TNFRSF8: variants seen among roughly 807,000 people sequenced by gnomAD.
The protein encoded by TNFRSF8 is tumor necrosis factor receptor superfamily member 8.
In TNFRSF8, 26 loss-of-function variants were observed where a neutral mutation model predicts 70.8. The ratio of observed to expected loss-of-function variants is 0.37; its 90% CI spans 0.27 to 0.51. TNFRSF8 has a LOEUF of 0.51. Ranked by LOEUF, TNFRSF8 falls within the 20% of genes least tolerant of loss-of-function variation. The probability of loss-of-function intolerance (pLI) is 0.94; values close to 1 mark genes in which losing one functional copy is unlikely to be tolerated. For synonymous variants in TNFRSF8, 356 were observed against 339.2 expected, an observed-to-expected ratio of 1.05 and a Z score of -0.54; for missense variants, 720 against 807.9, an observed-to-expected ratio of 0.89 and a Z score of 1.32.
intron 1 of TNFRSF8, among the ~76,000 whole-genome samples, chr1:12,068,137 G>T (rs1463216852): frequency 6.6e-6 from 1 of 152,144 alleles, no homozygotes; most frequent in African/African-American, 2.4e-5. Context: ...TCATTCTAAG[G>T]TTTTTATACT....
Position 12,063,754 on chromosome 1 carries a change from C to A in TNFRSF8, c.63+93C>A. 1.7e-6 allele frequency: 2 copies of A among 1,156,768 alleles called. No homozygotes were observed. Among genetic ancestry groups the A allele is most frequent in the Non-Finnish European group, 2.2e-6 (2 of 910,830 alleles). The allele number at this position is 1,156,768 out of a possible 1,614,324, so 71.7% of individuals were successfully genotyped here. A position where few individuals can be genotyped will look rare whatever the true frequency, so the allele number is the denominator to read the frequency against. ...GACGCAAGGGAGGACACTCCTCACC[C>A]CGTTCCCTGCCCAGCTGGAGTGAGG... is the stretch of plus-strand genomic sequence containing the variant. On this transcript the variant is annotated intron_variant, in intron 1 of 14. Coordinates refer to ENST00000263932, the MANE Select transcript of TNFRSF8 (RefSeq NM_001243.5). This position sits in a 1 kb window ranked among gnomAD's most constrained non-coding sequence, Gnocchi z 7.2.
intron 2 of TNFRSF8, among the ~76,000 whole-genome samples, chr1:12,091,069 CAGAG>C (rs1641240922): frequency 2.0e-5 from 3 of 152,150 alleles, no homozygotes; most frequent in African/African-American, 7.2e-5. Flanking sequence ...ATCTGTAAGT[CAGAG>C]AGAAAGAGCT....
rs1232841951 is a variant in TNFRSF8, at chr1:12,109,447, G to T, written c.422-119G>T. On this transcript the variant is annotated intron_variant, in intron 4 of 14. Coordinates refer to ENST00000263932, the MANE Select transcript of TNFRSF8 (RefSeq NM_001243.5). The surrounding 1 kb of genome is among the most constrained non-coding windows in gnomAD (Gnocchi z 4.4). ...TGCCAGGCGGGTGCCACCTCCAGAT[G>T]ACTGCTGTGTTTTCCAAGGGCCCCA... 5.4e-5 allele frequency: 40 copies of T among 743,940 alleles called. No individual in the cohort carries two copies. Among genetic ancestry groups the T allele is most frequent in the Non-Finnish European group, 8.1e-5 (37 of 454,732 alleles). The allele number at this position is 743,940 out of a possible 1,614,324, so 46.1% of individuals were successfully genotyped here. A position where few individuals can be genotyped will look rare whatever the true frequency, so the allele number is the denominator to read the frequency against.
At chr1:12,084,321 G>T in intron 1 of TNFRSF8, 143 bp from the exon 2 acceptor site, 1 of 744,020 alleles carries the variant, frequency 1.3e-6, no homozygotes, top group East Asian at 2.6e-5. Flanking sequence ...AGGGCGGTGT[G>T]GGTTTGTGGA....
At chr1:12,073,504 C>G (rs1428528851) in intron 1 of TNFRSF8, among the ~76,000 whole-genome samples, 1 of 150,858 alleles carries the variant, frequency 6.6e-6, no homozygotes, top group African/African-American at 2.4e-5. Flanking sequence ...TCCCTCCCTC[C>G]CTCCTTCTCT....
rs1473669807 is a variant in TNFRSF8, at chr1:12,110,931, A to AT, written c.676+728dup. Among the ~76,000 whole-genome samples the AT allele has an allele frequency of 6.6e-6, 1 of 152,120 alleles. No homozygotes were observed. The highest frequency in any genetic ancestry group is 1.5e-5 in the Non-Finnish European group (1 of 68,008). ...CCATTTTATTACTGAATAGCCCTCCATGGCGTAGATATGCCGAGCTCTGTT... is the reference window on the plus strand; with the variant it reads ...CCATTTTATTACTGAATAGCCCTCCATTGGCGTAGATATGCCGAGCTCTGTT... On this transcript the variant is annotated intron_variant, in intron 6 of 14. Transcript: ENST00000263932. This position sits in a 1 kb window ranked among gnomAD's most constrained non-coding sequence, Gnocchi z 4.0.
chr1:12,123,243 C>T (rs747883646), intron 8 of TNFRSF8, 41 bp from the exon 9 acceptor site: 51 of 1,555,306 alleles, frequency 3.3e-5, no homozygotes, highest in Non-Finnish European at 4.3e-5. Context: ...AGACACCAGC[C>T]TCCTTGGCGC....
Position 12,111,908 on chromosome 1 carries a change from A to C in TNFRSF8, c.687A>C (p.Pro229=). Residue 229 remains proline (P), a synonymous_variant, in exon 7 of 15, where the codon CCA becomes CCC. Coordinates refer to ENST00000263932, the MANE Select transcript of TNFRSF8 (RefSeq NM_001243.5). ...GRPSSDPGLS[P]TQPCPEGSGD... The stretch of plus-strand genomic sequence containing the variant: ...TGCTTCTTTCCCCAGGTCTGTCCCC[A>C]ACACAGCCATGCCCAGAGGGGTCTG... 6.2e-7 allele frequency: 1 copy of C among 1,614,164 alleles called. No homozygotes were observed. The highest frequency in any genetic ancestry group is 8.5e-7 in the Non-Finnish European group (1 of 1,180,008).
rs1641797862 is a variant in TNFRSF8, at chr1:12,119,897, C to T, written c.947-3387C>T. ...TTGAGGACTAGTCAAAGCTGGATAC[C>T]TCTGGTCTGATACAACCCCTTCGTT... On this transcript the variant is annotated intron_variant, in intron 8 of 14. Coordinates refer to ENST00000263932, the MANE Select transcript of TNFRSF8 (RefSeq NM_001243.5). The surrounding 1 kb of genome is among the most constrained non-coding windows in gnomAD (Gnocchi z 4.4). Among the ~76,000 whole-genome samples, 1 of 152,146 alleles carries T rather than the reference C, an allele frequency of 6.6e-6. No individual in the cohort carries two copies. Among genetic ancestry groups the T allele is most frequent in the Non-Finnish European group, 1.5e-5 (1 of 68,040 alleles).
intron 1 of TNFRSF8, chr1:12,080,313 C>A (rs949400199): frequency 3.8e-6 from 2 of 524,094 alleles, no homozygotes; most frequent in Non-Finnish European, 7.6e-6. Context: ...GGAACATATG[C>A]CTTCTTCTCT....
intron 12 of TNFRSF8, 72 bp from the exon 13 acceptor site, chr1:12,135,516 C>T: frequency 2.1e-6 from 3 of 1,413,760 alleles, no homozygotes; most frequent in Non-Finnish European, 2.8e-6. Context: ...GGACCATTTG[C>T]CAATAGTTGG....
Position 12,063,756 on chromosome 1 carries a change from G to T in TNFRSF8, c.63+95G>T, listed in dbSNP as rs186275677. The T allele has an allele frequency of 2.3e-4, 261 of 1,154,836 alleles. 3 individuals carry two copies. In the East Asian group the frequency reaches 6.7e-3, roughly 30 times the overall value. The allele number at this position is 1,154,836 out of a possible 1,614,324, so 71.5% of individuals were successfully genotyped here. On this transcript the variant is annotated intron_variant, in intron 1 of 14. Transcript: ENST00000263932. This position sits in a 1 kb window ranked among gnomAD's most constrained non-coding sequence, Gnocchi z 7.2. ...CGCAAGGGAGGACACTCCTCACCCC[G>T]TTCCCTGCCCAGCTGGAGTGAGGGG... is the stretch of plus-strand genomic sequence containing the variant.
intron 13 of TNFRSF8, 60 bp downstream of exon 13, chr1:12,135,673 T>A: frequency 6.2e-7 from 1 of 1,602,318 alleles, no homozygotes; most frequent in Non-Finnish European, 8.5e-7. Flanking sequence ...ACTCCTTCCC[T>A]AACAGATCTG....
intron 2 of TNFRSF8, among the ~76,000 whole-genome samples, chr1:12,094,086 G>A (rs975758916): frequency 7.6e-6 from 1 of 132,030 alleles, no homozygotes; most frequent in Non-Finnish European, 1.6e-5. Context: ...AAAAAAATCC[G>A]CCCACCTCAG....
rs199941905 is a variant in TNFRSF8 at position 12,108,074 on chromosome 1, A to ATTTTTT, written c.422-1490_422-1485dup. On this transcript the variant is annotated intron_variant, in intron 4 of 14. Coordinates refer to ENST00000263932, the MANE Select transcript of TNFRSF8 (RefSeq NM_001243.5). This position sits in a 1 kb window ranked among gnomAD's most constrained non-coding sequence, Gnocchi z 4.0. ...CGAAGTCCCACACATACAGGCCACC[A>ATTTTTT]TTTTTTTATTTTTTTTTTTTTTGTG... Among the ~76,000 whole-genome samples, 49 of 146,200 alleles carry ATTTTTT rather than the reference A, an allele frequency of 3.4e-4. 1 individual carries two copies. Among genetic ancestry groups the ATTTTTT allele is most frequent in the African/African-American group, 8.5e-4 (34 of 39,774 alleles).
chr1:12,116,969 C>T (rs1233269918), intron 8 of TNFRSF8, among the ~76,000 whole-genome samples: 1 of 152,114 alleles, frequency 6.6e-6, no homozygotes, highest in African/African-American at 2.4e-5. Context: ...GTGTAGTGGC[C>T]TGGGACTACT....
At position 12,094,632 on chromosome 1, in the gene TNFRSF8, CT is replaced by C. The variant is rs1250138093; in HGVS notation, c.152-2458del. 2.6e-3 allele frequency among the ~76,000 whole-genome samples: 267 copies of C among 101,484 alleles called. 1 individual carries two copies. The highest frequency in any genetic ancestry group is 0.015 in the South Asian group (50 of 3,328). 66.6% of individuals were successfully genotyped at this position (101,484 alleles called of 152,430 possible). ...AAGCTAGTTTTTTTTTTTTTTTTTG[CT>C]TTTTTTTTTTGAGACGGAGTCTCAC... is the stretch of plus-strand genomic sequence containing the variant. On this transcript the variant is annotated intron_variant, in intron 2 of 14. Transcript: ENST00000263932.
chr1:12,125,152 A>G (rs1024044176), intron 10 of TNFRSF8, among the ~76,000 whole-genome samples: 1 of 152,260 alleles, frequency 6.6e-6, no homozygotes, highest in Non-Finnish European at 1.5e-5. Context: ...CTTAACTGGC[A>G]TATACTACTT....
rs1166778425 is a variant in TNFRSF8 at position 12,109,509 on chromosome 1, C to T, written c.422-57C>T. On this transcript the variant is annotated intron_variant, in intron 4 of 14. Coordinates refer to ENST00000263932, the MANE Select transcript of TNFRSF8 (RefSeq NM_001243.5). The surrounding 1 kb of genome is among the most constrained non-coding windows in gnomAD (Gnocchi z 4.4). ...GGCCTGTGGTAGTGAAGGGTGTATT[C>T]CGGGAGACTTTGGGTCCCCAACACT... 1 of 1,447,028 alleles carries T rather than the reference C, an allele frequency of 6.9e-7. No homozygotes were observed. The highest frequency in any genetic ancestry group is 9.7e-7 in the Non-Finnish European group (1 of 1,035,514). 89.6% of individuals were successfully genotyped at this position (1,447,028 alleles called of 1,614,324 possible).
Sources: allele counts gnomAD v4.1 joint callset (sites outside exome capture counted in the v4.1 genomes callset), GRCh38; gene constraint gnomAD v4.1.1; non-coding constraint Gnocchi (gnomAD v3.1); transcripts MANE v1.5; gene names NCBI Gene and HGNC (gene_info 2026-07-23, HGNC 2026-07-21).